Variants in GREB1L observed in about 807,000 individuals in gnomAD.
GREB1L encodes GREB1 like retinoic acid receptor coactivator.
Under a neutral mutation model 200.8 loss-of-function variants are expected in GREB1L, and 17 were observed. That is an observed-to-expected ratio of 0.08 (90% CI 0.06 to 0.13). The LOEUF (loss-of-function observed/expected upper bound fraction) is 0.13. Among genes scored for constraint, GREB1L ranks in the 10% least tolerant of loss-of-function variants. The probability of loss-of-function intolerance (pLI) is 1.00; values close to 1 mark genes in which losing one functional copy is unlikely to be tolerated. For synonymous variants in GREB1L, 789 were observed against 893.0 expected (o/e 0.88, Z 2.08); for missense variants, 1,657 against 2,367.7 (o/e 0.70, Z 6.23).
intron 7 of GREB1L, among the ~76,000 whole-genome samples, chr18:21,430,562 A>C (rs1365773006): frequency 1.5e-5 from 2 of 134,360 alleles, no homozygotes; most frequent in African/African-American, 5.6e-5. Context: ...GATCACTCTT[A>C]AGGTGATTGA....
intron 27 of GREB1L, among the ~76,000 whole-genome samples, chr18:21,510,993 A>G (rs1244805080): frequency 6.6e-6 from 1 of 152,154 alleles, no homozygotes; most frequent in Non-Finnish European, 1.5e-5. Context: ...TGAAAAATCA[A>G]CTGAATTATT....
intron 1 of GREB1L, among the ~76,000 whole-genome samples, chr18:21,271,813 C>T (rs529791791): frequency 2.6e-4 from 39 of 152,168 alleles, no homozygotes; most frequent in African/African-American, 6.7e-4. Flanking sequence ...GAAATCCCTG[C>T]GGTGGACTTT....
chr18:21,421,128 T>C (rs1027198879), intron 7 of GREB1L, among the ~76,000 whole-genome samples: 20 of 152,046 alleles, frequency 1.3e-4, no homozygotes, highest in African/African-American at 3.4e-4. Flanking sequence ...AAGGGAAGCA[T>C]AGGTGGGAGG....
intron 4 of GREB1L, among the ~76,000 whole-genome samples, chr18:21,394,773 C>G (rs1406743736): frequency 6.6e-6 from 1 of 151,872 alleles, no homozygotes; most frequent in African/African-American, 2.4e-5. Context: ...CACATAAAAA[C>G]TACGTGGTTT....
chr18:21,298,010 G>A (rs951280260), intron 1 of GREB1L, among the ~76,000 whole-genome samples: 5 of 151,984 alleles, frequency 3.3e-5, no homozygotes, highest in African/African-American at 9.7e-5. Flanking sequence ...TTAGGAAATG[G>A]GGAGGTTAAA....
At chr18:21,473,771 C>G (rs139627261) in intron 16 of GREB1L, among the ~76,000 whole-genome samples, 1 of 151,964 alleles carries the variant, frequency 6.6e-6, no homozygotes, top group Non-Finnish European at 1.5e-5. Flanking sequence ...AGGACATACC[C>G]GAGACTGGGA....
At chr18:21,249,595 C>T (rs1199750709) in intron 1 of GREB1L, among the ~76,000 whole-genome samples, 9 of 152,250 alleles carry the variant, frequency 5.9e-5, no homozygotes, top group African/African-American at 2.2e-4. Context: ...TGGCTCATGC[C>T]TGTAATCTCA....
intron 17 of GREB1L, among the ~76,000 whole-genome samples, chr18:21,482,974 A>C (rs972621443): frequency 3.3e-5 from 5 of 152,204 alleles, no homozygotes; most frequent in African/African-American, 1.2e-4. Flanking sequence ...GGTTCCACTC[A>C]TTTCTGTTAA....
At chr18:21,301,235 T>C (rs1384537841) in intron 1 of GREB1L, among the ~76,000 whole-genome samples, 1 of 152,206 alleles carries the variant, frequency 6.6e-6, no homozygotes, top group Non-Finnish European at 1.5e-5. Context: ...ATTGTTAGAG[T>C]GAAGCTGACA....
intron 2 of GREB1L, among the ~76,000 whole-genome samples, chr18:21,382,768 T>C (rs1255449764): frequency 6.6e-6 from 1 of 152,120 alleles, no homozygotes; most frequent in African/African-American, 2.4e-5. Flanking sequence ...TTTACAGGCA[T>C]GAGCCACTAT....
intron 1 of GREB1L, among the ~76,000 whole-genome samples, chr18:21,347,028 C>T (rs1294871985): frequency 6.6e-6 from 1 of 152,180 alleles, no homozygotes; most frequent in African/African-American, 2.4e-5. Flanking sequence ...GGGACATTTT[C>T]ATTCCTGATC....
chr18:21,332,935 G>A (rs751027878), intron 1 of GREB1L, among the ~76,000 whole-genome samples: 2 of 151,968 alleles, frequency 1.3e-5, no homozygotes, highest in African/African-American at 4.8e-5. Flanking sequence ...TAGATAATTA[G>A]CTGGGTGTGA....
intron 14 of GREB1L, among the ~76,000 whole-genome samples, chr18:21,453,611 T>A (rs2034626910): frequency 6.6e-6 from 1 of 152,224 alleles, no homozygotes; most frequent in South Asian, 2.1e-4. Context: ...AAAAAGCTAC[T>A]GACCTGCTTA....
chr18:21,416,046 C>G (rs566366782), intron 7 of GREB1L, among the ~76,000 whole-genome samples: 30 of 152,220 alleles, frequency 2.0e-4, no homozygotes, highest in African/African-American at 7.2e-4. Flanking sequence ...ACGTTAGAGT[C>G]AGCAGAGAAA....
chr18:21,325,040 G>C (rs938366861), intron 1 of GREB1L, among the ~76,000 whole-genome samples: 3 of 152,138 alleles, frequency 2.0e-5, no homozygotes, highest in African/African-American at 7.2e-5. Flanking sequence ...ATTTCAGAAA[G>C]ATTTTAAGTA....
chr18:21,523,031 G>T lies in GREB1L; in HGVS notation c.*210G>T. On this transcript the variant is annotated 3_prime_UTR_variant, in exon 33 of 33. Coordinates refer to ENST00000424526, the MANE Select transcript of GREB1L (RefSeq NM_001142966.3). Reference sequence around the variant, plus strand: ...CCAATTACAGGACCCTTAAATTCAGGTAAACTCTATCCTAGGCAGTTATGC... The same window carrying T: ...CCAATTACAGGACCCTTAAATTCAGTTAAACTCTATCCTAGGCAGTTATGC... 2.0e-6 allele frequency: 1 copy of T among 491,840 alleles called. No homozygotes were observed. The highest frequency in any genetic ancestry group is 3.6e-6 in the Non-Finnish European group (1 of 280,492). 30.5% of individuals were successfully genotyped at this position (491,840 alleles called of 1,614,324 possible). A position where few individuals can be genotyped will look rare whatever the true frequency, so the allele number is the denominator to read the frequency against.
chr18:21,421,966 C>T (rs1453864964), intron 7 of GREB1L, among the ~76,000 whole-genome samples: 1 of 152,062 alleles, frequency 6.6e-6, no homozygotes, highest in Non-Finnish European at 1.5e-5. Flanking sequence ...GTACCTGGAG[C>T]TGGGAATGCC....
chr18:21,375,253 C>T (rs1347540086), intron 2 of GREB1L, among the ~76,000 whole-genome samples: 4 of 151,606 alleles, frequency 2.6e-5, no homozygotes, highest in Admixed American at 6.6e-5. Context: ...TTAGTAGAGA[C>T]GGGTTTCACC....
chr18:21,441,320 A>T (rs1598845018), intron 9 of GREB1L, 80 bp from the exon 10 acceptor site: 1 of 1,172,544 alleles, frequency 8.5e-7, no homozygotes, highest in South Asian at 1.8e-5. Context: ...CTCTGTTAAA[A>T]GTATTAAAAC....
Sources: gnomAD v4.1 joint callset for allele counts (sites outside exome capture counted in the v4.1 genomes callset) on GRCh38, gnomAD v4.1.1 for gene constraint, MANE v1.5 for transcripts, NCBI Gene and HGNC (gene_info 2026-07-23, HGNC 2026-07-21) for gene names.